AOPEP: variants seen among roughly 807,000 people sequenced by gnomAD.
The protein encoded by AOPEP is aminopeptidase O.
Under a neutral mutation model 98.1 loss-of-function variants are expected in AOPEP, and 77 were observed. The observed-to-expected ratio is 0.78, with a 90% CI of 0.65 to 0.95. The LOEUF is 0.95. AOPEP is among the 40% of genes least tolerant of loss of function. The probability of loss-of-function intolerance (pLI) is 0.00; values close to 1 mark genes in which losing one functional copy is unlikely to be tolerated. For missense variants in AOPEP, 1,024 were observed against 1,024.7 expected (o/e 1.00, Z 0.01); for synonymous variants, 346 against 365.3 (o/e 0.95, Z 0.60).
At chr9:94,764,371 G>A (rs1839088998) in intron 2 of AOPEP, among the ~76,000 whole-genome samples, 1 of 152,230 alleles carries the variant, frequency 6.6e-6, no homozygotes, top group Non-Finnish European at 1.5e-5. Context: ...TCCTGGCCGG[G>A]TGCAGTGGCT....
intron 9 of AOPEP, among the ~76,000 whole-genome samples, chr9:94,962,227 A>G (rs1300419781): frequency 1.3e-5 from 2 of 152,184 alleles, no homozygotes; most frequent in East Asian, 3.8e-4. Flanking sequence ...CAGCCCTAGA[A>G]CATGAGCAGT....
At chr9:94,899,345 C>G (rs1356345337) in intron 5 of AOPEP, among the ~76,000 whole-genome samples, 3 of 148,052 alleles carry the variant, frequency 2.0e-5, no homozygotes, top group Non-Finnish European at 4.5e-5. Flanking sequence ...CCACCACGCC[C>G]GGCTATTTTT....
chr9:94,807,919 G>A (rs905087042), intron 5 of AOPEP, among the ~76,000 whole-genome samples: 1 of 152,246 alleles, frequency 6.6e-6, no homozygotes, highest in Non-Finnish European at 1.5e-5. Flanking sequence ...CCAAGATGCA[G>A]CTGGAGCCCA....
At chr9:95,119,348 C>T in the AOPEP span, among the ~76,000 whole-genome samples, 1 of 143,766 alleles carries the variant, frequency 7.0e-6, no homozygotes, top group African/African-American at 2.6e-5. Flanking sequence ...TTTTTCAGTT[C>T]CTTCTTTCTT....
intron 5 of AOPEP, among the ~76,000 whole-genome samples, chr9:94,919,724 C>T (rs1588888379): frequency 6.6e-6 from 1 of 152,046 alleles, no homozygotes; most frequent in Non-Finnish European, 1.5e-5. Context: ...TACTACGAGT[C>T]TACGGTTTCA....
the AOPEP span, among the ~76,000 whole-genome samples, chr9:95,123,105 C>T: frequency 6.6e-6 from 1 of 151,976 alleles, no homozygotes; most frequent in Admixed American, 6.6e-5. Flanking sequence ...TGTTTGAGAC[C>T]AGCCTGAGCA....
At chr9:94,898,299 C>T (rs1367153583) in intron 5 of AOPEP, among the ~76,000 whole-genome samples, 1 of 152,144 alleles carries the variant, frequency 6.6e-6, no homozygotes, top group African/African-American at 2.4e-5. Flanking sequence ...CTGCACCATT[C>T]AGTGGAATTC....
chr9:94,965,645 C>G (rs2059140146), intron 9 of AOPEP, among the ~76,000 whole-genome samples: 1 of 152,234 alleles, frequency 6.6e-6, no homozygotes, highest in African/African-American at 2.4e-5. Context: ...TGTGTGAAGT[C>G]TGTATCTGCA....
At chr9:94,970,409 A>T (rs927839737) in intron 10 of AOPEP, among the ~76,000 whole-genome samples, 1 of 149,146 alleles carries the variant, frequency 6.7e-6, no homozygotes, top group Non-Finnish European at 1.5e-5. Flanking sequence ...ATCTTACTTC[A>T]CTAATGTGTT....
At chr9:94,842,832 T>C (rs1036748608) in intron 5 of AOPEP, among the ~76,000 whole-genome samples, 1 of 152,182 alleles carries the variant, frequency 6.6e-6, no homozygotes, top group African/African-American at 2.4e-5. Flanking sequence ...GTTTTTTCCT[T>C]TGGCCTCCAA....
At chr9:94,886,839 T>C (rs972451055) in intron 5 of AOPEP, among the ~76,000 whole-genome samples, 1 of 152,232 alleles carries the variant, frequency 6.6e-6, no homozygotes, top group Non-Finnish European at 1.5e-5. Flanking sequence ...GGTTTGTATA[T>C]ATAAATCTGT....
rs946358880 is a variant in AOPEP, at chr9:94,765,667, G to A, written c.797+5087G>A. 2.0e-5 allele frequency among the ~76,000 whole-genome samples: 3 copies of A among 151,986 alleles called. No homozygotes were observed. In the East Asian group the frequency reaches 5.8e-4, roughly 29 times the overall value. On this transcript the variant is annotated intron_variant, in intron 2 of 16. Transcript: ENST00000375315. ...TTCTACCCTGAAATCTCTTTTGTAA[G>A]AGCTGTTTTCCCACTTTACCATGTG...
intron 5 of AOPEP, among the ~76,000 whole-genome samples, chr9:94,862,946 G>A (rs1387353479): frequency 6.6e-6 from 1 of 152,222 alleles, no homozygotes; most frequent in East Asian, 1.9e-4. Flanking sequence ...GAGTTTCAGT[G>A]TGTTCGTCGA....
intron 5 of AOPEP, among the ~76,000 whole-genome samples, chr9:94,921,742 G>A (rs1377327872): frequency 6.6e-6 from 1 of 152,156 alleles, no homozygotes; most frequent in Admixed American, 6.5e-5. Flanking sequence ...AGGGCCAAAC[G>A]GGCCCCGGAG....
intron 7 of AOPEP, chr9:94,933,375 T>G: frequency 4.1e-6 from 4 of 985,458 alleles, no homozygotes; most frequent in Non-Finnish European, 4.8e-6. Flanking sequence ...GTTTTTTTAT[T>G]GTTTGTGATT....
At chr9:94,816,491 A>T (rs1487070081) in intron 5 of AOPEP, among the ~76,000 whole-genome samples, 1 of 152,220 alleles carries the variant, frequency 6.6e-6, no homozygotes, top group African/African-American at 2.4e-5. Context: ...ATGCACCTGG[A>T]TGGTCCCAGC....
chr9:94,931,571 C>A, intron 7 of AOPEP: 1 of 605,116 alleles, frequency 1.7e-6, no homozygotes, highest in South Asian at 2.2e-5. Flanking sequence ...AAAATTTGTT[C>A]TCAGATTTTG....
chr9:95,001,978 T>C (rs2061589641), intron 11 of AOPEP, among the ~76,000 whole-genome samples: 2 of 151,012 alleles, frequency 1.3e-5, no homozygotes. Context: ...GGGGTCTTGC[T>C]ATGTTGCCCA....
At chr9:95,135,572 C>A in the AOPEP span, 1 of 1,369,378 alleles carries the variant, frequency 7.3e-7, no homozygotes, top group South Asian at 1.2e-5. Context: ...AAAAAAAGTT[C>A]AAAATGCAAT....
Sources: allele counts gnomAD v4.1 joint callset (sites outside exome capture counted in the v4.1 genomes callset), GRCh38; gene constraint gnomAD v4.1.1; transcripts MANE v1.5; gene names NCBI Gene and HGNC (gene_info 2026-07-23, HGNC 2026-07-21).